RBFOX3: variants seen among roughly 807,000 people sequenced by gnomAD.
RBFOX3 encodes the protein RNA binding fox-1 homolog 3.
Under a neutral mutation model 48.7 loss-of-function variants are expected in RBFOX3, and 17 were observed. The observed-to-expected ratio is 0.35, with a 90% CI of 0.24 to 0.52. The LOEUF (loss-of-function observed/expected upper bound fraction) is 0.52, where lower values mean the gene tolerates loss of function less well. Ranked by LOEUF, RBFOX3 falls within the 20% of genes least tolerant of loss-of-function variation. RBFOX3 has a pLI of 0.94. For missense variants in RBFOX3, 382 were observed against 497.5 expected (o/e 0.77, Z 2.21); for synonymous variants, 212 against 209.5 (o/e 1.01, Z -0.10).
chr17:79,432,363 G>A (rs1224408626), intron 2 of RBFOX3, among the ~76,000 whole-genome samples: 2 of 152,212 alleles, frequency 1.3e-5, no homozygotes, highest in African/African-American at 2.4e-5. Flanking sequence ...ATAGAAACAA[G>A]CATCTCCATG....
At chr17:79,268,487 G>A (rs1023396023) in intron 3 of RBFOX3, among the ~76,000 whole-genome samples, 6 of 152,094 alleles carry the variant, frequency 3.9e-5, no homozygotes, top group Non-Finnish European at 7.4e-5. Flanking sequence ...TAACTCTCCC[G>A]CTGCGGGTGG....
chr17:79,491,919 A>T lies in RBFOX3; in HGVS notation c.-319-9321T>A, dbSNP rs797039170. ...ACATGGTGAAACCCTGTCTCTACTAAAAAACTACAAAAATTAGTCAAGTAT... is the reference window on the plus strand; with the variant it reads ...ACATGGTGAAACCCTGTCTCTACTATAAAACTACAAAAATTAGTCAAGTAT... On this transcript the variant is annotated intron_variant, in intron 1 of 14. Coordinates refer to ENST00000693108, the MANE Select transcript of RBFOX3 (RefSeq NM_001350451.2). 1.1e-4 allele frequency among the ~76,000 whole-genome samples: 17 copies of T among 152,236 alleles called. No homozygotes were observed. The South Asian group carries it at 3.3e-3, about 30-fold the overall frequency.
chr17:79,134,138 CCT>C (rs2039631060), intron 4 of RBFOX3, among the ~76,000 whole-genome samples: 2 of 152,208 alleles, frequency 1.3e-5, no homozygotes, highest in Non-Finnish European at 2.9e-5. Flanking sequence ...GGGACGTTCC[CCT>C]GTCCCTCCCA....
At chr17:79,297,597 G>A (rs972694021) in intron 3 of RBFOX3, among the ~76,000 whole-genome samples, 3 of 152,244 alleles carry the variant, frequency 2.0e-5, no homozygotes, top group Non-Finnish European at 4.4e-5. Context: ...CCCAGTGCCT[G>A]CCACAAAGCA....
intron 4 of RBFOX3, among the ~76,000 whole-genome samples, chr17:79,215,228 C>CTGCCCT (rs1555611393): frequency 8.5e-5 from 13 of 152,196 alleles, no homozygotes; most frequent in African/African-American, 2.4e-4. Flanking sequence ...CTGCATGCTG[C>CTGCCCT]CGCCCTCGTG....
intron 1 of RBFOX3, among the ~76,000 whole-genome samples, chr17:79,538,927 T>A (rs369293945): frequency 9.9e-5 from 15 of 152,242 alleles, no homozygotes; most frequent in African/African-American, 3.4e-4. Flanking sequence ...GGACAAAGCA[T>A]GAGAACAGGC....
chr17:79,225,294 T>TC, intron 4 of RBFOX3, among the ~76,000 whole-genome samples: 1 of 147,604 alleles, frequency 6.8e-6, no homozygotes, highest in Non-Finnish European at 1.5e-5. Context: ...CTCCATTCTT[T>TC]TTTTTTTTTT....
At position 79,393,703 on chromosome 17, in the gene RBFOX3, G is replaced by A. The variant is rs200903459; in HGVS notation, c.-174-85879C>T. Among the ~76,000 whole-genome samples the A allele has an allele frequency of 8.7e-5, 13 of 150,244 alleles. No homozygotes were observed. In the East Asian group the frequency reaches 1.4e-3, roughly 16 times the overall value. On this transcript the variant is annotated intron_variant, in intron 2 of 14. Coordinates refer to ENST00000693108, the MANE Select transcript of RBFOX3 (RefSeq NM_001350451.2). ...ACACATCGTCTGAGCCGGTCATCAC[G>A]CACATCTGAGCCGGTCATCATACAC...
At chr17:79,226,750 A>T (rs934193181) in intron 4 of RBFOX3, among the ~76,000 whole-genome samples, 3 of 152,226 alleles carry the variant, frequency 2.0e-5, no homozygotes, top group African/African-American at 7.2e-5. Context: ...TTTAGCAGTC[A>T]CCAAGGTGGA....
intron 4 of RBFOX3, among the ~76,000 whole-genome samples, chr17:79,152,482 G>A (rs2044765795): frequency 6.6e-6 from 1 of 152,132 alleles, no homozygotes; most frequent in South Asian, 2.1e-4. Context: ...TTTCCAGCTG[G>A]GCCGGGGGTC....
chr17:79,572,005 A>G (rs2092695814), intron 1 of RBFOX3, among the ~76,000 whole-genome samples: 1 of 152,186 alleles, frequency 6.6e-6, no homozygotes, highest in Non-Finnish European at 1.5e-5. Context: ...GGGTGCAGAC[A>G]CTACCTGGTG....
chr17:79,413,099 G>A (rs1356020687), intron 2 of RBFOX3, among the ~76,000 whole-genome samples: 1 of 152,166 alleles, frequency 6.6e-6, no homozygotes, highest in African/African-American at 2.4e-5. Context: ...CAGGGAGGGG[G>A]AAAGGGGGAA....
chr17:79,520,757 C>T (rs1021776245), intron 1 of RBFOX3, among the ~76,000 whole-genome samples: 9,633 of 152,270 alleles, frequency 0.063, 654 homozygotes, highest in African/African-American at 0.17. Flanking sequence ...TCCAGGGCGG[C>T]AGGGAAAGAG....
intron 1 of RBFOX3, among the ~76,000 whole-genome samples, chr17:79,531,473 G>A (rs2087766761): frequency 1.3e-5 from 2 of 152,234 alleles, no homozygotes; most frequent in Admixed American, 6.5e-5. Context: ...TTTAGAACGC[G>A]TGATGGCTGG....
chr17:79,146,738 G>A (rs1297430389), intron 4 of RBFOX3, among the ~76,000 whole-genome samples: 5 of 152,204 alleles, frequency 3.3e-5, no homozygotes, highest in Non-Finnish European at 2.9e-5. Context: ...TCTCCATGGG[G>A]GCCTGGGCCT....
At chr17:79,607,703 A>T (rs1413320048) in intron 1 of RBFOX3, among the ~76,000 whole-genome samples, 1 of 152,192 alleles carries the variant, frequency 6.6e-6, no homozygotes, top group Non-Finnish European at 1.5e-5. Context: ...ACACATCGGT[A>T]TGAAGGCGCC....
chr17:79,467,927 C>T (rs1173012670), intron 2 of RBFOX3, among the ~76,000 whole-genome samples: 1 of 152,062 alleles, frequency 6.6e-6, no homozygotes, highest in African/African-American at 2.4e-5. Context: ...CTGAGCATGG[C>T]CTGTCTCCCT....
rs750447895 is a variant in RBFOX3, at chr17:79,115,448, C to T, written c.222+46G>A. 1.1e-5 allele frequency: 14 copies of T among 1,221,658 alleles called. 1 individual carries two copies. In the African/African-American group the frequency reaches 1.9e-4, roughly 16 times the overall value. 75.7% of individuals were successfully genotyped at this position (1,221,658 alleles called of 1,614,324 possible). On this transcript the variant is annotated intron_variant, in intron 5 of 14. Transcript: ENST00000693108. The stretch of plus-strand genomic sequence containing the variant: ...CCACCCTTCTTCTGGGTGGGTGCTC[C>T]TCCCTGAAGCTCCAGGGCTGGGCCT...
At chr17:79,356,586 C>T (rs2085170872) in intron 2 of RBFOX3, among the ~76,000 whole-genome samples, 1 of 151,618 alleles carries the variant, frequency 6.6e-6, no homozygotes, top group African/African-American at 2.4e-5. Context: ...CCAGGCTGGT[C>T]TTGAACTCCT....
Sources: gnomAD v4.1 joint callset for allele counts (sites outside exome capture counted in the v4.1 genomes callset) on GRCh38, gnomAD v4.1.1 for gene constraint, MANE v1.5 for transcripts, NCBI Gene and HGNC (gene_info 2026-07-23, HGNC 2026-07-21) for gene names.